KCNH7: variants seen among roughly 807,000 people sequenced by gnomAD.
KCNH7 encodes voltage-gated inwardly rectifying potassium channel KCNH7.
In KCNH7, 49 loss-of-function variants were observed where a neutral mutation model predicts 120.8. The observed-to-expected ratio is 0.41, with a 90% CI of 0.32 to 0.51. KCNH7 has a LOEUF of 0.51. Among genes scored for constraint, KCNH7 ranks in the 20% least tolerant of loss-of-function variants. KCNH7 has a pLI of 0.38. For missense variants in KCNH7, 1,097 were observed against 1,446.6 expected (o/e 0.76, Z 3.92); for synonymous variants, 547 against 516.1 (o/e 1.06, Z -0.81).
intron 3 of KCNH7, among the ~76,000 whole-genome samples, chr2:162,527,610 CTAGA>C (rs1691756396): frequency 6.6e-6 from 1 of 151,944 alleles, no homozygotes; most frequent in Non-Finnish European, 1.5e-5. Context: ...TTTAAATTAG[CTAGA>C]TAATTGTCTA....
At chr2:162,381,490 C>T (rs769854097) in intron 13 of KCNH7, among the ~76,000 whole-genome samples, 11 of 152,104 alleles carry the variant, frequency 7.2e-5, no homozygotes, top group Admixed American at 3.3e-4. Flanking sequence ...TTTCCTCTCA[C>T]TCATTATCTT....
rs1455017842 is a variant in KCNH7 at position 162,826,021 on chromosome 2, G to GAC, written c.307+10515_307+10516insGT. Among the ~76,000 whole-genome samples the GAC allele has an allele frequency of 9.2e-5, 14 of 151,874 alleles. 1 individual carries two copies. The South Asian group carries it at 2.9e-3, about 32-fold the overall frequency. On this transcript the variant is annotated intron_variant, in intron 2 of 15. Transcript: ENST00000332142. ...AGGTTAAATCACTTTGACAGAGACA[G>GAC]AGAGTAGAGATATAAGTCCTTGTTG...
rs139528360 is a variant in KCNH7 at position 162,373,533 on chromosome 2, C to A, written c.3261G>T (p.Leu1087=). ...ATGCTTCCGGTTGACTGGTTCTCATCAGCTGGATGATGGGTCTCTGATATT... is the reference window on the plus strand; with the variant it reads ...ATGCTTCCGGTTGACTGGTTCTCATAAGCTGGATGATGGGTCTCTGATATT... ...GSEYQRPIIQ[L]MRTSQPEASI... The change falls in exon 15 of 16, where the codon CTG becomes CTT. Residue 1087 remains leucine, a synonymous_variant. Coordinates refer to ENST00000332142, the MANE Select transcript of KCNH7 (RefSeq NM_033272.4). 6.3e-7 allele frequency: 1 copy of A among 1,588,812 alleles called. No homozygotes were observed. Among genetic ancestry groups the A allele is most frequent in the Non-Finnish European group, 8.6e-7 (1 of 1,167,698 alleles).
chr2:162,539,732 T>C (rs765894477), intron 2 of KCNH7, among the ~76,000 whole-genome samples: 9 of 152,090 alleles, frequency 5.9e-5, no homozygotes, highest in Non-Finnish European at 1.0e-4. Flanking sequence ...CCTGTACATT[T>C]CTATTAAGCA....
chr2:162,730,531 A>G (rs1253857875), intron 2 of KCNH7, among the ~76,000 whole-genome samples: 1 of 151,988 alleles, frequency 6.6e-6, no homozygotes, highest in Non-Finnish European at 1.5e-5. Flanking sequence ...TAACAAGAAA[A>G]TAGATTACAA....
intron 15 of KCNH7, 87 bp from the exon 16 acceptor site, chr2:162,372,182 T>C: frequency 9.3e-7 from 1 of 1,077,324 alleles, no homozygotes; most frequent in Non-Finnish European, 1.3e-6. Context: ...TTAAGCATTT[T>C]CTTTCCTCAT....
chr2:162,738,749 G>A (rs921835637), intron 2 of KCNH7, among the ~76,000 whole-genome samples: 1 of 152,066 alleles, frequency 6.6e-6, no homozygotes, highest in Non-Finnish European at 1.5e-5. Flanking sequence ...ACTTCATCTG[G>A]GCTCCTTGGA....
At chr2:162,731,872 CTG>C (rs1301315263) in intron 2 of KCNH7, among the ~76,000 whole-genome samples, 1 of 152,038 alleles carries the variant, frequency 6.6e-6, no homozygotes, top group Non-Finnish European at 1.5e-5. Context: ...ATATTACTTT[CTG>C]TGTTTGAAAT....
At chr2:162,709,769 C>CT (rs753997554) in intron 2 of KCNH7, among the ~76,000 whole-genome samples, 5 of 152,178 alleles carry the variant, frequency 3.3e-5, no homozygotes, top group Non-Finnish European at 7.4e-5. Context: ...TGCAAATGCT[C>CT]TACTCAAGCC....
intron 2 of KCNH7, among the ~76,000 whole-genome samples, chr2:162,655,829 AT>A (rs1344464417): frequency 1.3e-5 from 2 of 152,114 alleles, no homozygotes; most frequent in African/African-American, 4.8e-5. Context: ...TTGTGGTCAT[AT>A]TTTGAGATAG....
intron 6 of KCNH7, among the ~76,000 whole-genome samples, chr2:162,459,444 G>A (rs982864129): frequency 3.9e-5 from 6 of 152,036 alleles, no homozygotes; most frequent in Non-Finnish European, 5.9e-5. Flanking sequence ...CTGCCTTGTC[G>A]AGAACTACAG....
At chr2:162,491,792 C>G (rs1006099437) in intron 6 of KCNH7, among the ~76,000 whole-genome samples, 1 of 152,168 alleles carries the variant, frequency 6.6e-6, no homozygotes, top group Non-Finnish European at 1.5e-5. Context: ...CTAGGGATGC[C>G]TTTTTCCCCT....
chr2:162,504,414 T>G (rs188194311), intron 6 of KCNH7, 29 bp downstream of exon 6: 10 of 1,520,136 alleles, frequency 6.6e-6, no homozygotes, highest in Non-Finnish European at 9.1e-6. Context: ...TCTAAAACAG[T>G]TGAAATTGAT....
At chr2:162,761,242 T>C (rs1553521308) in intron 2 of KCNH7, among the ~76,000 whole-genome samples, 1 of 152,098 alleles carries the variant, frequency 6.6e-6, no homozygotes, top group Non-Finnish European at 1.5e-5. Context: ...ACTGTAGGCA[T>C]TGAATAGATT....
chr2:162,826,626 A>G (rs1186345846), intron 2 of KCNH7, among the ~76,000 whole-genome samples: 3 of 152,182 alleles, frequency 2.0e-5, no homozygotes, highest in Non-Finnish European at 4.4e-5. Flanking sequence ...TGACAAACAC[A>G]AGATGGTGAA....
Position 162,373,543 on chromosome 2 carries a change from A to T in KCNH7, c.3251T>A (p.Ile1084Asn), listed in dbSNP as rs776486621. Residue 1084 changes from isoleucine to asparagine, a missense_variant, in exon 15 of 16, where the codon ATC (isoleucine) becomes AAC (asparagine). By Grantham distance (149) the Ile-to-Asn change is moderately radical. Around this residue, in one of 8 missense-constraint regions of KCNH7, gnomAD observed 406 missense variants for 410.5 expected, o/e 0.99. Coordinates refer to ENST00000332142, the MANE Select transcript of KCNH7 (RefSeq NM_033272.4). ...VTAGSEYQRP[I>N]IQLMRTSQPE... Reference sequence around the variant, plus strand: ...TTGACTGGTTCTCATCAGCTGGATGATGGGTCTCTGATATTCTGATCCTGC... The same window carrying T: ...TTGACTGGTTCTCATCAGCTGGATGTTGGGTCTCTGATATTCTGATCCTGC... The T allele has an allele frequency of 1.9e-6, 3 of 1,591,264 alleles. No homozygotes were observed. In the African/African-American group the frequency reaches 4.1e-5, roughly 22 times the overall value.
chr2:162,755,792 A>G (rs1355228834), intron 2 of KCNH7, among the ~76,000 whole-genome samples: 1 of 152,058 alleles, frequency 6.6e-6, no homozygotes, highest in East Asian at 1.9e-4. Flanking sequence ...AATACTAACT[A>G]TGAGCTGTAG....
intron 2 of KCNH7, among the ~76,000 whole-genome samples, chr2:162,836,153 T>C (rs571124455): frequency 6.6e-6 from 1 of 152,322 alleles, no homozygotes; most frequent in East Asian, 1.9e-4. Flanking sequence ...AAATTTGCTT[T>C]GTGGAGTATT....
chr2:162,701,427 G>T (rs59452549), intron 2 of KCNH7, among the ~76,000 whole-genome samples: 13,689 of 151,982 alleles, frequency 0.09, 1,907 homozygotes, highest in African/African-American at 0.3. Context: ...TACAGACACT[G>T]TCAAAAATTT....
Sources: gnomAD v4.1 joint callset for allele counts (sites outside exome capture counted in the v4.1 genomes callset) on GRCh38, gnomAD v4.1.1 for gene constraint, gnomAD v4.1.1 regional missense constraint, MANE v1.5 for transcripts, NCBI Gene and HGNC (gene_info 2026-07-23, HGNC 2026-07-21) for gene names.